Variants in EXD2 observed in about 807,000 individuals in gnomAD.
The protein encoded by EXD2 is exonuclease 3'-5' domain-containing protein 2.
Under a neutral mutation model 62.5 loss-of-function variants are expected in EXD2, and 40 were observed. That is an observed-to-expected ratio of 0.64 (90% CI 0.50 to 0.83). EXD2 has a LOEUF of 0.83. EXD2 is among the 40% of genes least tolerant of loss of function. The pLI, the probability that EXD2 is intolerant of heterozygous loss-of-function variation, is 0.00. For missense variants in EXD2, 671 were observed against 761.8 expected, an observed-to-expected ratio of 0.88 and a Z score of 1.40; for synonymous variants, 239 against 291.9, an observed-to-expected ratio of 0.82 and a Z score of 1.85.
intron 1 of EXD2, among the ~76,000 whole-genome samples, chr14:69,192,433 A>G (rs1245125728): frequency 2.0e-5 from 3 of 152,268 alleles, no homozygotes; most frequent in South Asian, 2.1e-4. Flanking sequence ...TTAAAAATGT[A>G]TTTTTAAAAT....
At chr14:69,215,590 T>C (rs1490766392) in intron 3 of EXD2, among the ~76,000 whole-genome samples, 1 of 152,234 alleles carries the variant, frequency 6.6e-6, no homozygotes, top group African/African-American at 2.4e-5. Context: ...ATTACACTAA[T>C]TTAACCTCCC....
chr14:69,233,137 A>G (rs756023971), intron 5 of EXD2, among the ~76,000 whole-genome samples: 14 of 152,328 alleles, frequency 9.2e-5, no homozygotes, highest in Non-Finnish European at 1.9e-4. Context: ...CTTTATCATT[A>G]GAAAATAATG....
intron 1 of EXD2, among the ~76,000 whole-genome samples, chr14:69,198,200 G>A (rs2042273123): frequency 6.6e-6 from 1 of 152,078 alleles, no homozygotes; most frequent in Non-Finnish European, 1.5e-5. Context: ...TAATAGGTTT[G>A]GAAAGCTATT....
intron 5 of EXD2, among the ~76,000 whole-genome samples, chr14:69,232,033 C>G (rs1031129559): frequency 2.0e-5 from 3 of 151,728 alleles, no homozygotes; most frequent in Admixed American, 2.0e-4. Context: ...GCCTATATTC[C>G]AGTCACTGAG....
intron 9 of EXD2, among the ~76,000 whole-genome samples, chr14:69,239,614 T>C (rs1396965406): frequency 1.3e-5 from 2 of 152,366 alleles, no homozygotes; most frequent in East Asian, 3.9e-4. Context: ...GATTTCTTAC[T>C]GGTTAACTGC....
At position 69,241,192 on chromosome 14, in the gene EXD2, A is replaced by G; in HGVS notation, c.*92A>G. ...CATTTTAGTACATCATTAATTGTCA[A>G]AGCCTGTGTGACACAACTCAGAATA... On this transcript the variant is annotated 3_prime_UTR_variant, in exon 10 of 10. Transcript: ENST00000685843. The G allele has an allele frequency of 9.7e-7, 1 of 1,034,556 alleles. No homozygotes were observed. The highest frequency in any genetic ancestry group is 1.4e-6 in the Non-Finnish European group (1 of 708,080). The allele number at this position is 1,034,556 out of a possible 1,614,324, so 64.1% of individuals were successfully genotyped here.
intron 4 of EXD2, 123 bp from the exon 5 acceptor site, chr14:69,230,349 C>T: frequency 3.5e-6 from 2 of 571,864 alleles, no homozygotes; most frequent in South Asian, 2.8e-5. Flanking sequence ...TTATCATTTT[C>T]TTCGATTTCT....
chr14:69,221,765 C>T (rs918608319), intron 3 of EXD2, among the ~76,000 whole-genome samples: 3 of 151,634 alleles, frequency 2.0e-5, no homozygotes, highest in Non-Finnish European at 4.4e-5. Flanking sequence ...GAGACCCTGT[C>T]TCCCCCTCCA....
intron 3 of EXD2, among the ~76,000 whole-genome samples, chr14:69,212,360 G>A (rs970039491): frequency 2.0e-5 from 3 of 152,124 alleles, no homozygotes; most frequent in Admixed American, 6.5e-5. Context: ...CTGAGCGACA[G>A]AGCAAGTGAG....
intron 3 of EXD2, among the ~76,000 whole-genome samples, chr14:69,223,547 A>G (rs1257499707): frequency 1.3e-5 from 2 of 152,240 alleles, no homozygotes; most frequent in Admixed American, 6.5e-5. Flanking sequence ...AAATAACAGC[A>G]TGCTATCACA....
chr14:69,239,873 A>T (rs973363548), intron 9 of EXD2, among the ~76,000 whole-genome samples: 1 of 152,184 alleles, frequency 6.6e-6, no homozygotes, highest in Non-Finnish European at 1.5e-5. Flanking sequence ...AAGTGCTGGG[A>T]TTACAGGCAT....
chr14:69,237,672 G>T lies in EXD2; in HGVS notation c.1390G>T (p.Ala464Ser), dbSNP rs368072996. ...DVLLLCTSCH[A>S]ISNYYDNHLK... is the part of the protein sequence containing the mutation. ...GCTGCTGCTCTGCACCTCCTGCCAT[G>T]CCATTTCCAACTACTATGACAACCA... is the stretch of plus-strand genomic sequence containing the variant. The change falls in exon 9 of 10, where the codon GCC becomes TCC. Residue 464 changes from alanine to serine, a missense_variant. Coordinates refer to ENST00000685843, the MANE Select transcript of EXD2 (RefSeq NM_001193360.2). The T allele has an allele frequency of 4.3e-6, 7 of 1,614,226 alleles. No homozygotes were observed. Among genetic ancestry groups the T allele is most frequent in the Non-Finnish European group, 5.9e-6 (7 of 1,180,034 alleles).
At chr14:69,195,033 A>G (rs913075716) in intron 1 of EXD2, among the ~76,000 whole-genome samples, 3 of 152,150 alleles carry the variant, frequency 2.0e-5, no homozygotes, top group African/African-American at 7.2e-5. Context: ...CCTGACCAAC[A>G]TGGTGAAACC....
chr14:69,206,503 C>T (rs1373441567), intron 2 of EXD2, among the ~76,000 whole-genome samples: 3 of 119,528 alleles, frequency 2.5e-5, no homozygotes, highest in African/African-American at 1.0e-4. Context: ...GGGTCTCACT[C>T]TCTCACCCAG....
intron 3 of EXD2, among the ~76,000 whole-genome samples, chr14:69,211,681 C>A (rs2042808179): frequency 6.6e-6 from 1 of 151,926 alleles, no homozygotes; most frequent in South Asian, 2.1e-4. Flanking sequence ...AAAGTTACAT[C>A]ATTTTAGAAC....
intron 3 of EXD2, among the ~76,000 whole-genome samples, chr14:69,218,071 A>G (rs994922446): frequency 6.6e-6 from 1 of 152,188 alleles, no homozygotes. Context: ...GGCTGAGTCA[A>G]ATGGTATTTC....
At chr14:69,206,655 T>C (rs927853876) in intron 2 of EXD2, among the ~76,000 whole-genome samples, 1 of 151,724 alleles carries the variant, frequency 6.6e-6, no homozygotes, top group Admixed American at 6.6e-5. Context: ...TAATTTTTTA[T>C]ATTTTTGGTG....
chr14:69,203,310 A>G (rs2042470520), intron 1 of EXD2, among the ~76,000 whole-genome samples: 1 of 151,888 alleles, frequency 6.6e-6, no homozygotes, highest in African/African-American at 2.4e-5. Context: ...TCCTGGGCTC[A>G]AGCAGTCCGC....
chr14:69,194,359 C>T (rs1432285675), intron 1 of EXD2, among the ~76,000 whole-genome samples: 1 of 151,936 alleles, frequency 6.6e-6, no homozygotes, highest in African/African-American at 2.4e-5. Context: ...AGGATGGTCT[C>T]GATCTCCTGA....
Sources: gnomAD v4.1 joint callset for allele counts (sites outside exome capture counted in the v4.1 genomes callset) on GRCh38, gnomAD v4.1.1 for gene constraint, MANE v1.5 for transcripts, NCBI Gene and HGNC (gene_info 2026-07-23, HGNC 2026-07-21) for gene names.